The following DENND11 variants were observed in gnomAD, a reference collection of about 807,000 sequenced individuals.
The protein encoded by DENND11 is DENN domain containing 11.
Under a neutral mutation model 49.2 loss-of-function variants are expected in DENND11, and 34 were observed. The observed-to-expected ratio is 0.69, with a 90% CI of 0.53 to 0.92. The LOEUF (loss-of-function observed/expected upper bound fraction) is 0.92, where lower values mean the gene tolerates loss of function less well. DENND11 is among the 40% of genes least tolerant of loss of function. DENND11 has a pLI of 0.00. For synonymous variants in DENND11, 238 were observed against 230.3 expected, an observed-to-expected ratio of 1.03 and a Z score of -0.30; for missense variants, 475 against 581.6, an observed-to-expected ratio of 0.82 and a Z score of 1.88.
At chr7:141,682,112 T>C (rs1174739248) in intron 3 of DENND11, among the ~76,000 whole-genome samples, 1 of 152,162 alleles carries the variant, frequency 6.6e-6, no homozygotes, top group Non-Finnish European at 1.5e-5. Context: ...GAGGGACTTG[T>C]CTATTCTTTT....
chr7:141,671,317 T>C lies in DENND11; in HGVS notation c.681+2750A>G, dbSNP rs534349550. 1.3e-4 allele frequency among the ~76,000 whole-genome samples: 20 copies of C among 152,236 alleles called. 1 individual carries two copies. Among genetic ancestry groups the C allele is most frequent in the Admixed American group, 2.6e-4 (4 of 15,294 alleles). ...TCAGCCTCCCAAGTATGTGGGATTATAGGCACCCACCACCAAGCCTAGCTA... is the reference window on the plus strand; with the variant it reads ...TCAGCCTCCCAAGTATGTGGGATTACAGGCACCCACCACCAAGCCTAGCTA... On this transcript the variant is annotated intron_variant, in intron 4 of 8. Transcript: ENST00000536163.
intron 3 of DENND11, among the ~76,000 whole-genome samples, chr7:141,676,839 T>G (rs1021818514): frequency 6.6e-6 from 1 of 152,178 alleles, no homozygotes. Context: ...CCGAAATGCA[T>G]GCCAAACCAC....
rs1244655006 is a variant in DENND11, at chr7:141,701,986, G to C, written c.168C>G (p.Ala56=). ...CGGGCTGCAGCAGCACCTCCGGGGC[G>C]GCCGGCTCCTCGGGCTCCCGCCTCC... ...PPRRREPEEP[A]APEVLLQPGR... is the part of the protein sequence containing the mutation. The change falls in exon 1 of 9, where the codon GCC becomes GCG. Residue 56 remains alanine, a synonymous_variant. Transcript: ENST00000536163. The C allele has an allele frequency of 8.7e-7, 1 of 1,154,888 alleles. No individual in the cohort carries two copies. The highest frequency in any genetic ancestry group is 1.1e-6 in the Non-Finnish European group (1 of 939,056). The allele number at this position is 1,154,888 out of a possible 1,614,324, so 71.5% of individuals were successfully genotyped here. A position where few individuals can be genotyped will look rare whatever the true frequency, so the allele number is the denominator to read the frequency against.
rs565282274 is a variant in DENND11 at position 141,689,980 on chromosome 7, C to T, written c.269-3322G>A. Among the ~76,000 whole-genome samples the T allele has an allele frequency of 2.0e-5, 3 of 152,304 alleles. No homozygotes were observed. The South Asian group carries it at 6.2e-4, about 32-fold the overall frequency. On this transcript the variant is annotated intron_variant, in intron 1 of 8. Coordinates refer to ENST00000536163, the MANE Select transcript of DENND11 (RefSeq NM_001080392.2). ...ACTGCTGTAAACAATCCTGTATTTG[C>T]CATCTGCTGAAATAGCGTAAAGTGG...
At chr7:141,700,163 T>C (rs976512546) in intron 1 of DENND11, among the ~76,000 whole-genome samples, 6 of 152,196 alleles carry the variant, frequency 3.9e-5, no homozygotes, top group African/African-American at 1.4e-4. Flanking sequence ...GAGCTACCAA[T>C]ACTAAATCAG....
In DENND11 at chr7:141,658,196, A is replaced by G. The variant is rs1797727925; in HGVS notation, c.*4460T>C. 1 of 152,224 alleles carries G rather than the reference A, an allele frequency of 6.6e-6. No homozygotes were observed. The highest frequency in any genetic ancestry group is 2.4e-5 in the African/African-American group (1 of 41,448). The allele number at this position is 152,224 out of a possible 1,614,324, so 9.4% of individuals were successfully genotyped here. ...TGCATACTCAGTTCATCACATAGTA[A>G]TATCAATAAAAAAATAAACTTCCAT... On this transcript the variant is annotated 3_prime_UTR_variant, in exon 9 of 9. Coordinates refer to ENST00000536163, the MANE Select transcript of DENND11 (RefSeq NM_001080392.2).
intron 1 of DENND11, among the ~76,000 whole-genome samples, chr7:141,695,512 A>C (rs764570894): frequency 5.9e-5 from 9 of 152,242 alleles, no homozygotes; most frequent in Non-Finnish European, 8.8e-5. Context: ...ATTTGAGGAG[A>C]CTTAATGGAA....
chr7:141,694,648 T>C (rs1315439055), intron 1 of DENND11, among the ~76,000 whole-genome samples: 2 of 152,200 alleles, frequency 1.3e-5, no homozygotes, highest in Admixed American at 1.3e-4. Flanking sequence ...GAAAAGTCTA[T>C]TTATATCTCC....
chr7:141,675,583 T>C (rs1313676272), intron 3 of DENND11, among the ~76,000 whole-genome samples: 2 of 152,134 alleles, frequency 1.3e-5, no homozygotes, highest in Non-Finnish European at 2.9e-5. Context: ...ACAGCAGTGA[T>C]TAAAAATAGG....
At chr7:141,669,569 T>G (rs1197453170) in intron 4 of DENND11, among the ~76,000 whole-genome samples, 2 of 152,088 alleles carry the variant, frequency 1.3e-5, no homozygotes, top group Non-Finnish European at 2.9e-5. Context: ...TATACGTGTG[T>G]TCATGTTGTA....
At chr7:141,683,900 T>C (rs1798188888) in intron 3 of DENND11, among the ~76,000 whole-genome samples, 1 of 152,202 alleles carries the variant, frequency 6.6e-6, no homozygotes, top group Non-Finnish European at 1.5e-5. Context: ...AGAAAAGTGC[T>C]TGATGGTAAA....
chr7:141,682,789 C>T (rs532531524), intron 3 of DENND11, among the ~76,000 whole-genome samples: 1 of 152,162 alleles, frequency 6.6e-6, no homozygotes, highest in East Asian at 1.9e-4. Context: ...TAGCCAGGAC[C>T]CTATCCAATA....
At chr7:141,671,685 C>T (rs1262966843) in intron 4 of DENND11, among the ~76,000 whole-genome samples, 2 of 152,116 alleles carry the variant, frequency 1.3e-5, no homozygotes, top group African/African-American at 2.4e-5. Context: ...AATACGAGTA[C>T]ATTTAGGTCA....
chr7:141,697,610 T>C (rs1206566710), intron 1 of DENND11, among the ~76,000 whole-genome samples: 1 of 152,238 alleles, frequency 6.6e-6, no homozygotes, highest in Non-Finnish European at 1.5e-5. Context: ...ATTCACATTC[T>C]ACTTTGTCAC....
chr7:141,699,577 G>A (rs1158055827), intron 1 of DENND11, among the ~76,000 whole-genome samples: 2 of 152,224 alleles, frequency 1.3e-5, no homozygotes, highest in East Asian at 3.9e-4. Context: ...CAAGTTACAA[G>A]TGCTCCCTCT....
At chr7:141,689,795 G>A (rs1390057893) in intron 1 of DENND11, among the ~76,000 whole-genome samples, 1 of 152,198 alleles carries the variant, frequency 6.6e-6, no homozygotes, top group African/African-American at 2.4e-5. Context: ...TCTACAAAAT[G>A]TAATTATAGT....
At chr7:141,692,630 T>C in intron 1 of DENND11, among the ~76,000 whole-genome samples, 1 of 151,866 alleles carries the variant, frequency 6.6e-6, no homozygotes, top group South Asian at 2.1e-4. Context: ...ATTTATTCAA[T>C]ATGGAAAGTA....
At chr7:141,685,057 TA>T (rs1305934075) in intron 3 of DENND11, among the ~76,000 whole-genome samples, 1 of 141,958 alleles carries the variant, frequency 7.0e-6, no homozygotes, top group African/African-American at 2.6e-5. Context: ...TATATATATA[TA>T]TTTTTAAGTT....
intron 1 of DENND11, among the ~76,000 whole-genome samples, chr7:141,692,911 G>T (rs541726207): frequency 7.2e-5 from 11 of 152,270 alleles, no homozygotes; most frequent in Non-Finnish European, 1.2e-4. Flanking sequence ...AAAATTTCTA[G>T]AAGATAACAC....
Sources: allele counts gnomAD v4.1 joint callset (sites outside exome capture counted in the v4.1 genomes callset), GRCh38; gene constraint gnomAD v4.1.1; transcripts MANE v1.5; gene names NCBI Gene and HGNC (gene_info 2026-07-23, HGNC 2026-07-21).